Variants in DIAPH2 observed in about 807,000 individuals in gnomAD.
The protein encoded by DIAPH2 is diaphanous related formin 2, also known as protein diaphanous homolog 2.
DIAPH2 carries 35 observed loss-of-function variants against 92.7 expected under a neutral mutation model. The observed-to-expected ratio is 0.38, with a 90% CI of 0.29 to 0.50. The LOEUF is 0.50. DIAPH2 is among the 20% of genes least tolerant of loss of function. The probability of loss-of-function intolerance (pLI) is 0.94; values close to 1 mark genes in which losing one functional copy is unlikely to be tolerated. For synonymous variants in DIAPH2, 301 were observed against 280.4 expected, an observed-to-expected ratio of 1.07 and a Z score of -0.73; for missense variants, 701 against 819.5, an observed-to-expected ratio of 0.86 and a Z score of 1.77.
At chrX:96,767,342 G>A (rs2147609630) in intron 4 of DIAPH2, among the ~76,000 whole-genome samples, 1 of 110,703 alleles carries the variant, frequency 9.0e-6, no homozygotes, top group African/African-American at 3.3e-5. Flanking sequence ...AAATGGACCT[G>A]GTTTCAGATT....
chrX:97,096,439 A>G (rs1212159653), intron 19 of DIAPH2, among the ~76,000 whole-genome samples: 3 of 111,651 alleles, frequency 2.7e-5, no homozygotes, highest in Non-Finnish European at 5.6e-5. Context: ...AAAAGTCTCA[A>G]CATTAGATGT....
At chrX:97,451,946 T>G (rs1027877393) in intron 26 of DIAPH2, among the ~76,000 whole-genome samples, 2 of 111,825 alleles carry the variant, frequency 1.8e-5, no homozygotes, top group Non-Finnish European at 3.8e-5. Flanking sequence ...ATGTTTTATT[T>G]TCCTAGGTAA....
chrX:96,768,352 C>G (rs898328606), intron 4 of DIAPH2, among the ~76,000 whole-genome samples: 3 of 111,831 alleles, frequency 2.7e-5, no homozygotes. Flanking sequence ...AATCCTGATT[C>G]ACTACTCATT....
chrX:97,429,768 T>C (rs375663474), intron 26 of DIAPH2, 23 bp downstream of exon 26: 10 of 1,168,442 alleles, frequency 8.6e-6, no homozygotes, highest in Non-Finnish European at 1.2e-5. Context: ...CCACCTCACA[T>C]AGTATTGTAA....
chrX:97,428,764 A>G (rs2070096925), intron 25 of DIAPH2, among the ~76,000 whole-genome samples: 1 of 111,138 alleles, frequency 9.0e-6, no homozygotes. Context: ...TTCATCAGCT[A>G]GGCCAGTTAG....
chrX:97,545,732 T>G (rs1349394953), intron 26 of DIAPH2, among the ~76,000 whole-genome samples: 2 of 108,830 alleles, frequency 1.8e-5, no homozygotes, highest in Non-Finnish European at 3.8e-5. Context: ...GCTCATTAAA[T>G]CTTGATTTTC....
At chrX:97,301,112 C>T (rs1382532434) in intron 23 of DIAPH2, among the ~76,000 whole-genome samples, 1 of 96,888 alleles carries the variant, frequency 1.0e-5, no homozygotes, top group South Asian at 5.1e-4. Context: ...CATCGCGCCA[C>T]TGCACTCCAG....
At chrX:96,813,798 G>C (rs950635878) in intron 4 of DIAPH2, among the ~76,000 whole-genome samples, 1 of 111,720 alleles carries the variant, frequency 9.0e-6, no homozygotes, top group African/African-American at 3.3e-5. Context: ...AGTTCGGCTG[G>C]ATATGAAATT....
At chrX:97,194,374 C>T (rs1465545541) in intron 22 of DIAPH2, among the ~76,000 whole-genome samples, 6 of 108,088 alleles carry the variant, frequency 5.6e-5, no homozygotes, top group African/African-American at 1.0e-4. Context: ...CTCCGCCTCC[C>T]GGGTTCAAGC....
In DIAPH2 at chrX:96,944,944, T is replaced by C. The variant is rs183530730; in HGVS notation, c.1445-583T>C. On this transcript the variant is annotated intron_variant, in intron 13 of 26. Coordinates refer to ENST00000324765, the MANE Select transcript of DIAPH2 (RefSeq NM_006729.5). ...GAATAGAGTTTATATATACATAAAA[T>C]AATGAGAGATACAATATTGCCCAAA... Among the ~76,000 whole-genome samples, 83 of 111,420 alleles carry C rather than the reference T, an allele frequency of 7.4e-4. 1 individual carries two copies. Among genetic ancestry groups the C allele is most frequent in the African/African-American group, 2.5e-3 (78 of 30,850 alleles).
intron 1 of DIAPH2, among the ~76,000 whole-genome samples, chrX:96,696,320 ACAAGTCTTTTATTTTTCTTCTCT>A (rs1476715845): frequency 1.8e-5 from 2 of 112,335 alleles, no homozygotes; most frequent in Non-Finnish European, 3.8e-5. Flanking sequence ...GTGACTCTGG[ACAAGTCTTTTATTTTTCTTCTCT>A]CTGGGTGTCA....
chrX:97,132,172 T>G (rs5966995), intron 21 of DIAPH2, among the ~76,000 whole-genome samples: 10,457 of 111,541 alleles, frequency 0.094, 822 homozygotes, highest in African/African-American at 0.24. Context: ...GTGTGAAACT[T>G]TTAATTTGCT....
chrX:97,095,513 AT>A (rs1036257265), intron 19 of DIAPH2, among the ~76,000 whole-genome samples: 5 of 108,460 alleles, frequency 4.6e-5, no homozygotes, highest in African/African-American at 6.6e-5. Context: ...ATATAAATAC[AT>A]TTTTTATAAA....
chrX:96,862,202 G>C (rs770826096), intron 4 of DIAPH2, among the ~76,000 whole-genome samples: 1 of 111,737 alleles, frequency 8.9e-6, no homozygotes, highest in Non-Finnish European at 1.9e-5. Context: ...TAGTAGATGC[G>C]TGCTAAGTAT....
chrX:97,010,959 G>A (rs1043197925), intron 17 of DIAPH2, among the ~76,000 whole-genome samples: 1 of 111,745 alleles, frequency 8.9e-6, no homozygotes, highest in African/African-American at 3.3e-5. Flanking sequence ...CTATACTGGA[G>A]AAGGAAACAA....
chrX:96,695,547 A>G (rs1661316460), intron 1 of DIAPH2, among the ~76,000 whole-genome samples: 1 of 112,040 alleles, frequency 8.9e-6, no homozygotes, highest in Non-Finnish European at 1.9e-5. Context: ...ATCTCTGTAT[A>G]AAATGGAGCT....
At chrX:96,872,493 CTTTTT>C (rs752843624) in intron 4 of DIAPH2, among the ~76,000 whole-genome samples, 1 of 95,454 alleles carries the variant, frequency 1.0e-5, no homozygotes. Flanking sequence ...TTTTCTTTTT[CTTTTT>C]TTTTTTTTTT....
chrX:97,442,447 G>T (rs1325592257), intron 26 of DIAPH2, among the ~76,000 whole-genome samples: 6 of 112,511 alleles, frequency 5.3e-5, no homozygotes, highest in Non-Finnish European at 7.5e-5. Flanking sequence ...TACTCAACAG[G>T]TTGTCATAAG....
chrX:96,725,963 T>C lies in DIAPH2; in HGVS notation c.133-9795T>C, dbSNP rs566552674. On this transcript the variant is annotated intron_variant, in intron 1 of 26. Coordinates refer to ENST00000324765, the MANE Select transcript of DIAPH2 (RefSeq NM_006729.5). Reference sequence around the variant, plus strand: ...CTGCTTGAAGTAGACAGATAGCAAGTCATTGTGAGGTGAAGTATCTCCAGA... The same window carrying C: ...CTGCTTGAAGTAGACAGATAGCAAGCCATTGTGAGGTGAAGTATCTCCAGA... Among the ~76,000 whole-genome samples the C allele has an allele frequency of 2.1e-4, 23 of 111,592 alleles. No homozygotes were observed. The South Asian group carries it at 8.7e-3, about 42-fold the overall frequency.
Sources: allele counts gnomAD v4.1 joint callset (sites outside exome capture counted in the v4.1 genomes callset), GRCh38; gene constraint gnomAD v4.1.1; transcripts MANE v1.5; gene names NCBI Gene and HGNC (gene_info 2026-07-23, HGNC 2026-07-21).